AGMO: variants seen among roughly 807,000 people sequenced by gnomAD.
AGMO encodes the protein alkylglycerol monooxygenase.
AGMO carries 75 observed loss-of-function variants against 60.2 expected under a neutral mutation model. The ratio of observed to expected loss-of-function variants is 1.25; its 90% confidence interval spans 1.03 to 1.51. AGMO has a LOEUF of 1.51. AGMO is among the 40% of genes most tolerant of loss of function. The pLI is 0.00. For missense variants in AGMO, 763 were observed against 525.5 expected, an observed-to-expected ratio of 1.45 and a Z score of -4.42; for synonymous variants, 261 against 177.1, an observed-to-expected ratio of 1.47 and a Z score of -3.76.
At chr7:15,238,447 ATT>A (rs1308717931) in intron 12 of AGMO, among the ~76,000 whole-genome samples, 9 of 151,892 alleles carry the variant, frequency 5.9e-5, no homozygotes, top group African/African-American at 2.2e-4. Context: ...GAAAATAAAT[ATT>A]TGAGTTGATA....
chr7:15,341,770 G>T (rs1256143617), intron 12 of AGMO, among the ~76,000 whole-genome samples: 4 of 152,066 alleles, frequency 2.6e-5, no homozygotes, highest in African/African-American at 9.7e-5. Context: ...GACTGGGGAG[G>T]CCTCACAATC....
chr7:15,436,173 T>C (rs951362424), intron 3 of AGMO, among the ~76,000 whole-genome samples: 2 of 152,216 alleles, frequency 1.3e-5, no homozygotes, highest in African/African-American at 4.8e-5. Flanking sequence ...ATTTAGCATA[T>C]TGTACGATGA....
intron 3 of AGMO, among the ~76,000 whole-genome samples, chr7:15,469,799 AG>A (rs1782398037): frequency 2.0e-5 from 3 of 152,116 alleles, no homozygotes; most frequent in Non-Finnish European, 4.4e-5. Flanking sequence ...TTAATTTTGA[AG>A]GGGCTAGGAG....
chr7:15,349,350 G>A (rs1782149380), intron 12 of AGMO, among the ~76,000 whole-genome samples: 1 of 152,054 alleles, frequency 6.6e-6, no homozygotes. Context: ...CTTGCCAGAA[G>A]GTTTATAGCA....
chr7:15,228,559 T>C (rs999396369), intron 12 of AGMO, among the ~76,000 whole-genome samples: 3 of 151,896 alleles, frequency 2.0e-5, no homozygotes, highest in African/African-American at 4.8e-5. Flanking sequence ...TTAGGCAGAA[T>C]CACATATTGC....
At chr7:15,348,368 G>A (rs557579751) in intron 12 of AGMO, among the ~76,000 whole-genome samples, 6 of 152,104 alleles carry the variant, frequency 3.9e-5, no homozygotes, top group African/African-American at 1.4e-4. Context: ...TGCATTGAAT[G>A]ATCGATGAAA....
At position 15,534,432 on chromosome 7, in the gene AGMO, A is replaced by T. The variant is rs550181924; in HGVS notation, c.409+10340T>A. ...CAAATTCCATGATATTCACTTGGGG[A>T]AAAGAGACTTTCTTTATAAAAGCAA... On this transcript the variant is annotated intron_variant, in intron 3 of 12. Coordinates refer to ENST00000342526, the MANE Select transcript of AGMO (RefSeq NM_001004320.2). Among the ~76,000 whole-genome samples, 6 of 152,140 alleles carry T rather than the reference A, an allele frequency of 3.9e-5. 1 individual carries two copies. The South Asian group carries it at 1.2e-3, about 31-fold the overall frequency.
chr7:15,126,230 G>GT, the AGMO span, among the ~76,000 whole-genome samples: 1 of 152,134 alleles, frequency 6.6e-6, no homozygotes, highest in African/African-American at 2.4e-5. Context: ...CTTTAAGTCT[G>GT]TTTTTTATAT....
At chr7:15,352,862 C>G (rs149970714) in intron 12 of AGMO, among the ~76,000 whole-genome samples, 1 of 152,032 alleles carries the variant, frequency 6.6e-6, no homozygotes, top group Non-Finnish European at 1.5e-5. Context: ...AAAATTAGAA[C>G]GTGTATGTGT....
chr7:15,265,975 T>G (rs546866849), intron 12 of AGMO, among the ~76,000 whole-genome samples: 2 of 152,232 alleles, frequency 1.3e-5, no homozygotes, highest in African/African-American at 2.4e-5. Context: ...TTCTGATGTA[T>G]GCTACAATAT....
At chr7:15,177,537 T>A in the AGMO span, among the ~76,000 whole-genome samples, 1 of 152,138 alleles carries the variant, frequency 6.6e-6, no homozygotes, top group African/African-American at 2.4e-5. Context: ...TCTGCTGATT[T>A]CTTCTTCTGG....
chr7:15,218,327 A>ATGTGTATGTGTG (rs1554396499), intron 12 of AGMO, among the ~76,000 whole-genome samples: 2 of 143,930 alleles, frequency 1.4e-5, no homozygotes, highest in Non-Finnish European at 3.0e-5. Context: ...TGGTGTGTGT[A>ATGTGTATGTGTG]TGTGTGTGTG....
chr7:15,557,839 T>C (rs1183018887), intron 2 of AGMO, among the ~76,000 whole-genome samples: 1 of 152,028 alleles, frequency 6.6e-6, no homozygotes, highest in Non-Finnish European at 1.5e-5. Context: ...TAGAAAAATA[T>C]TCTCCAAATT....
chr7:15,303,471 T>C (rs1489429849), intron 12 of AGMO, among the ~76,000 whole-genome samples: 1 of 150,372 alleles, frequency 6.7e-6, no homozygotes, highest in Non-Finnish European at 1.5e-5. Context: ...GGTGAACATC[T>C]GGGGTGGTTT....
chr7:15,248,218 A>ATC lies in AGMO; in HGVS notation c.1264-46860_1264-46859insGA, dbSNP rs1441225766. Among the ~76,000 whole-genome samples the ATC allele has an allele frequency of 5.0e-4, 53 of 106,306 alleles. 1 individual carries two copies. The highest frequency in any genetic ancestry group is 2.0e-3 in the African/African-American group (52 of 26,448). 69.7% of individuals were successfully genotyped at this position (106,306 alleles called of 152,430 possible). A position where few individuals can be genotyped will look rare whatever the true frequency, so the allele number is the denominator to read the frequency against. On this transcript the variant is annotated intron_variant, in intron 12 of 12. Coordinates refer to ENST00000342526, the MANE Select transcript of AGMO (RefSeq NM_001004320.2). ...TATATATATATATATATATATATAT[A>ATC]TATATATCTTCATCTTCAATTCTAG...
chr7:15,355,804 G>T (rs1782509648), intron 12 of AGMO, among the ~76,000 whole-genome samples: 2 of 152,064 alleles, frequency 1.3e-5, no homozygotes, highest in South Asian at 4.2e-4. Flanking sequence ...GTGCAGTCCA[G>T]GGGTGATGAG....
chr7:15,555,113 C>T (rs1186463067), intron 2 of AGMO, among the ~76,000 whole-genome samples: 1 of 151,424 alleles, frequency 6.6e-6, no homozygotes, highest in Non-Finnish European at 1.5e-5. Context: ...GCTGAGTGTT[C>T]TGATTTGGCC....
the AGMO span, among the ~76,000 whole-genome samples, chr7:15,179,791 T>C: frequency 6.6e-6 from 1 of 152,180 alleles, no homozygotes; most frequent in Non-Finnish European, 1.5e-5. Context: ...GAGGCAGCTA[T>C]ACCACAGAGC....
intron 12 of AGMO, among the ~76,000 whole-genome samples, chr7:15,260,639 A>C (rs1409083318): frequency 1.3e-5 from 2 of 152,106 alleles, no homozygotes; most frequent in Admixed American, 6.5e-5. Flanking sequence ...GTAACGGTGG[A>C]CTTAAACTAT....
Sources: allele counts gnomAD v4.1 joint callset (sites outside exome capture counted in the v4.1 genomes callset), GRCh38; gene constraint gnomAD v4.1.1; transcripts MANE v1.5; gene names NCBI Gene and HGNC (gene_info 2026-07-23, HGNC 2026-07-21).